Variants in CCDC40 observed in about 807,000 individuals in gnomAD.
CCDC40 encodes the protein coiled-coil domain-containing protein 40.
In CCDC40, 104 loss-of-function variants were observed where a neutral mutation model predicts 124.5. The observed-to-expected ratio is 0.84, with a 90% CI of 0.71 to 0.98. The LOEUF (loss-of-function observed/expected upper bound fraction) is 0.98. CCDC40 is among the 50% of genes least tolerant of loss of function. CCDC40 has a pLI of 0.00. For synonymous variants in CCDC40, 580 were observed against 602.9 expected, an observed-to-expected ratio of 0.96 and a Z score of 0.56; for missense variants, 1,463 against 1,503.9, an observed-to-expected ratio of 0.97 and a Z score of 0.45.
At chr17:80,069,778 AAGAGAGAGAGAGAGAC>A (rs1271100267) in intron 10 of CCDC40, among the ~76,000 whole-genome samples, 1 of 151,696 alleles carries the variant, frequency 6.6e-6, no homozygotes, top group Admixed American at 6.6e-5. Context: ...AAAGAAAAAA[AAGAGAGAGAGAGAGAC>A]AGAGAGAGAG....
chr17:80,086,257 G>A lies in CCDC40; in HGVS notation c.2449+41G>A, dbSNP rs1238835152. ...CCCGGCCCTGCAGTGATGCTGAGACGAGCTCTGGGACGTGGGCACCTCCCA... is the reference window on the plus strand; with the variant it reads ...CCCGGCCCTGCAGTGATGCTGAGACAAGCTCTGGGACGTGGGCACCTCCCA... On this transcript the variant is annotated intron_variant, in intron 14 of 19. Coordinates refer to ENST00000397545, the MANE Select transcript of CCDC40 (RefSeq NM_017950.4). This position sits in a 1 kb window ranked among gnomAD's most constrained non-coding sequence, Gnocchi z 5.5. 12 of 1,523,154 alleles carry A rather than the reference G, an allele frequency of 7.9e-6. No homozygotes were observed. Among genetic ancestry groups the A allele is most frequent in the African/African-American group, 6.9e-5 (5 of 72,592 alleles). The allele number at this position is 1,523,154 out of a possible 1,614,324, so 94.4% of individuals were successfully genotyped here. A position where few individuals can be genotyped will look rare whatever the true frequency, so the allele number is the denominator to read the frequency against.
intron 10 of CCDC40, among the ~76,000 whole-genome samples, chr17:80,073,912 C>T (rs2038251972): frequency 6.6e-6 from 1 of 152,038 alleles, no homozygotes. Flanking sequence ...TCTCGAACTC[C>T]TGACGTCAAA....
At chr17:80,048,991 G>A (rs147093302) in intron 5 of CCDC40, among the ~76,000 whole-genome samples, 355 of 152,224 alleles carry the variant, frequency 2.3e-3, no homozygotes, top group Non-Finnish European at 3.6e-3. Context: ...CCACTGCCCC[G>A]TGGGGCCGGG....
Position 80,040,088 on chromosome 17 carries a change from C to T in CCDC40, c.370C>T (p.Pro124Ser). Residue 124 changes from proline (P) to serine (S), a missense_variant, in exon 3 of 20, where the codon CCT becomes TCT. Physicochemically the swap from Pro to Ser is moderately conservative, Grantham distance 74. Coordinates refer to ENST00000397545, the MANE Select transcript of CCDC40 (RefSeq NM_017950.4). ...YPYFSPPQEL[P>S]GEEAYDSVSG... ...GTATTTCAGTCCTCCTCAGGAACTG[C>T]CTGGAGAGGAGGCATACGATAGTGT... is the stretch of plus-strand genomic sequence containing the variant. The T allele has an allele frequency of 6.2e-7, 1 of 1,614,146 alleles. No homozygotes were observed. The highest frequency in any genetic ancestry group is 8.5e-7 in the Non-Finnish European group (1 of 1,179,984).
chr17:80,042,733 C>T (rs537673146), intron 3 of CCDC40, among the ~76,000 whole-genome samples: 4 of 152,288 alleles, frequency 2.6e-5, no homozygotes, highest in African/African-American at 7.2e-5. Context: ...TCTTGTCTTG[C>T]CCTGATCTTA....
intron 16 of CCDC40, 54 bp downstream of exon 16, chr17:80,088,156 G>A (rs936972208): frequency 1.6e-6 from 2 of 1,244,710 alleles, no homozygotes; most frequent in Admixed American, 1.7e-5. Flanking sequence ...GCACCTACAG[G>A]CCTCTGTCCG....
At chr17:80,080,309 G>A (rs566004412) in intron 10 of CCDC40, among the ~76,000 whole-genome samples, 7 of 152,274 alleles carry the variant, frequency 4.6e-5, no homozygotes, top group East Asian at 1.9e-4. Context: ...ATGCTGAGGC[G>A]TAAGAATGAC....
In CCDC40 at chr17:80,076,230, C is replaced by T. The variant is rs149183814; in HGVS notation, c.1563-5316C>T. Reference sequence around the variant, plus strand: ...GAGAAATCTTTCATAAAAGAAGAGTCGATCCATGTGGCAATGGATGTGGCA... The same window carrying T: ...GAGAAATCTTTCATAAAAGAAGAGTTGATCCATGTGGCAATGGATGTGGCA... On this transcript the variant is annotated intron_variant, in intron 10 of 19. Coordinates refer to ENST00000397545, the MANE Select transcript of CCDC40 (RefSeq NM_017950.4). 6.6e-5 allele frequency among the ~76,000 whole-genome samples: 10 copies of T among 152,206 alleles called. No homozygotes were observed. In the East Asian group the frequency reaches 1.9e-3, roughly 29 times the overall value.
chr17:80,040,105 C>A lies in CCDC40; in HGVS notation c.387C>A (p.Tyr129Ter), dbSNP rs557375778. The stretch of plus-strand genomic sequence containing the variant: ...AGGAACTGCCTGGAGAGGAGGCATA[C>A]GATAGTGTTAGCGGGGAGGCTGGTC... Reference protein sequence around the residue: ...PPQELPGEEAYDSVSGEAGLQ... With the variant: ...PPQELPGEEA The change falls in exon 3 of 20, where the codon TAC becomes TAA. Residue 129 changes from tyrosine (Y) to a stop codon, truncating the protein, a stop_gained. Coordinates refer to ENST00000397545, the MANE Select transcript of CCDC40 (RefSeq NM_017950.4). LOFTEE classifies it high-confidence loss of function. 10 of 1,614,142 alleles carry A rather than the reference C, an allele frequency of 6.2e-6. No individual in the cohort carries two copies. The highest frequency in any genetic ancestry group is 8.5e-6 in the Non-Finnish European group (10 of 1,180,002).
chr17:80,071,249 C>T (rs1485194404), intron 10 of CCDC40, among the ~76,000 whole-genome samples: 1 of 152,242 alleles, frequency 6.6e-6, no homozygotes, highest in Admixed American at 6.5e-5. Flanking sequence ...TGTCCTATTT[C>T]CTGGCGGGAA....
Position 80,075,155 on chromosome 17 carries a change from C to A in CCDC40, c.1563-6391C>A, listed in dbSNP as rs181412670. ...GGCCAGGCTGGTCTTGAACTCCTAA[C>A]CTCAAGTGATATGCTCACCTCAGCC... On this transcript the variant is annotated intron_variant, in intron 10 of 19. Transcript: ENST00000397545. 2.4e-3 allele frequency among the ~76,000 whole-genome samples: 359 copies of A among 152,176 alleles called. 2 individuals are homozygous for A. Among genetic ancestry groups the A allele is most frequent in the Non-Finnish European group, 3.7e-3 (254 of 68,016 alleles).
At chr17:80,091,342 C>CAGAGAG (rs146101730) in intron 17 of CCDC40, among the ~76,000 whole-genome samples, 4 of 145,036 alleles carry the variant, frequency 2.8e-5, no homozygotes, top group African/African-American at 7.6e-5. Context: ...CACACACACA[C>CAGAGAG]AGAGAGAGAG....
intron 3 of CCDC40, among the ~76,000 whole-genome samples, chr17:80,041,099 AT>A (rs1283774586): frequency 6.6e-6 from 1 of 152,242 alleles, no homozygotes; most frequent in Non-Finnish European, 1.5e-5. Flanking sequence ...ATGGAGTACA[AT>A]AAAAAGGATC....
chr17:80,087,557 G>C lies in CCDC40; in HGVS notation c.2450-50G>C. The C allele has an allele frequency of 6.5e-7, 1 of 1,542,056 alleles. No individual in the cohort carries two copies. Among genetic ancestry groups the C allele is most frequent in the Non-Finnish European group, 9.0e-7 (1 of 1,116,178 alleles). ...TCGGACACTGCTGCCTGCGGGCGAG[G>C]ACCCGTACCCTCCTGGGGTCTCTCC... is the stretch of plus-strand genomic sequence containing the variant. On this transcript the variant is annotated intron_variant, in intron 14 of 19. Coordinates refer to ENST00000397545, the MANE Select transcript of CCDC40 (RefSeq NM_017950.4). The surrounding 1 kb of genome is among the most constrained non-coding windows in gnomAD (Gnocchi z 4.5).
At chr17:80,088,916 G>A (rs149305969) in intron 16 of CCDC40, among the ~76,000 whole-genome samples, 2 of 152,196 alleles carry the variant, frequency 1.3e-5, no homozygotes, top group Non-Finnish European at 2.9e-5. Flanking sequence ...TGAGCCAAAC[G>A]AGTTACTGCT....
At chr17:80,061,110 C>G (rs1182708235) in intron 9 of CCDC40, among the ~76,000 whole-genome samples, 1 of 152,184 alleles carries the variant, frequency 6.6e-6, no homozygotes, top group Non-Finnish European at 1.5e-5. Flanking sequence ...CTTTGGGAGG[C>G]CGAGGCCGCT....
Position 80,069,527 on chromosome 17 carries a change from C to T in CCDC40, c.1562+3921C>T, listed in dbSNP as rs540523831. ...TTGGGAGGCCGAGGCGGGCAGATCA[C>T]GAGCTCAGGAGCTGGAGATTGAAAC... On this transcript the variant is annotated intron_variant, in intron 10 of 19. Transcript: ENST00000397545. Among the ~76,000 whole-genome samples the T allele has an allele frequency of 5.9e-5, 9 of 152,242 alleles. No individual in the cohort carries two copies. In the South Asian group the frequency reaches 8.3e-4, roughly 14 times the overall value.
intron 13 of CCDC40, 27 bp downstream of exon 13, chr17:80,085,015 T>C (rs1404070115): frequency 6.2e-7 from 1 of 1,611,340 alleles, no homozygotes; most frequent in Admixed American, 1.7e-5. Flanking sequence ...GGAGACGTGG[T>C]CCCCGGCTGA....
chr17:80,061,162 A>G (rs2037885242), intron 9 of CCDC40, among the ~76,000 whole-genome samples: 1 of 151,408 alleles, frequency 6.6e-6, no homozygotes, highest in Non-Finnish European at 1.5e-5. Flanking sequence ...CCTGGCCCGC[A>G]TGGCAAAACC....
Sources: allele counts gnomAD v4.1 joint callset (sites outside exome capture counted in the v4.1 genomes callset), GRCh38; gene constraint gnomAD v4.1.1; non-coding constraint Gnocchi (gnomAD v3.1); transcripts MANE v1.5; gene names NCBI Gene and HGNC (gene_info 2026-07-23, HGNC 2026-07-21).